NLGN1: variants seen among roughly 807,000 people sequenced by gnomAD.
NLGN1 encodes the protein neuroligin 1.
In NLGN1, 12 loss-of-function variants were observed where a neutral mutation model predicts 65.5. The observed-to-expected ratio is 0.18, with a 90% CI of 0.12 to 0.30. The LOEUF (loss-of-function observed/expected upper bound fraction) is 0.30. Among genes scored for constraint, NLGN1 ranks in the 10% least tolerant of loss-of-function variants. The pLI is 1.00. For synonymous variants in NLGN1, 350 were observed against 359.5 expected (o/e 0.97, Z 0.30); for missense variants, 750 against 1,007.1 (o/e 0.74, Z 3.46).
intron 2 of NLGN1, among the ~76,000 whole-genome samples, chr3:173,587,773 A>G (rs1747749475): frequency 6.6e-6 from 1 of 151,860 alleles, no homozygotes; most frequent in Non-Finnish European, 1.5e-5. Flanking sequence ...TAAGCTTATC[A>G]CTATGTAAAA....
intron 4 of NLGN1, among the ~76,000 whole-genome samples, chr3:174,092,360 T>A (rs2152565369): frequency 6.6e-6 from 1 of 152,244 alleles, no homozygotes; most frequent in Non-Finnish European, 1.5e-5. Flanking sequence ...GGTATAGGCA[T>A]AAGATTGGGA....
chr3:173,644,194 C>T (rs924585824), intron 3 of NLGN1: 2 of 152,494 alleles, frequency 1.3e-5, no homozygotes, highest in African/African-American at 4.8e-5. Context: ...GGACTGAGAT[C>T]CCAGGGCTAA....
At chr3:173,497,313 G>A (rs1035977260) in intron 2 of NLGN1, among the ~76,000 whole-genome samples, 4 of 151,496 alleles carry the variant, frequency 2.6e-5, no homozygotes, top group African/African-American at 4.9e-5. Flanking sequence ...GCTTGAATTC[G>A]GGAGGTGGAG....
chr3:173,578,039 A>G (rs1321489724), intron 2 of NLGN1, among the ~76,000 whole-genome samples: 1 of 152,080 alleles, frequency 6.6e-6, no homozygotes, highest in African/African-American at 2.4e-5. Context: ...GATCAATACC[A>G]TCCTGGCTAA....
chr3:173,485,857 C>A (rs1269283269), intron 2 of NLGN1, among the ~76,000 whole-genome samples: 1 of 151,988 alleles, frequency 6.6e-6, no homozygotes, highest in Non-Finnish European at 1.5e-5. Context: ...CTTTTCATAT[C>A]TTTCCTTATA....
intron 4 of NLGN1, among the ~76,000 whole-genome samples, chr3:174,241,300 A>G (rs904343505): frequency 3.9e-5 from 6 of 152,040 alleles, no homozygotes; most frequent in East Asian, 1.9e-4. Context: ...CCTGTTTTAT[A>G]TATTTTTTCT....
At chr3:174,004,288 G>A (rs1723913786) in intron 4 of NLGN1, among the ~76,000 whole-genome samples, 1 of 152,078 alleles carries the variant, frequency 6.6e-6, no homozygotes, top group African/African-American at 2.4e-5. Context: ...TTGCTAATAG[G>A]ATTCTCTACA....
chr3:174,259,791 G>A (rs1746502408), intron 4 of NLGN1, among the ~76,000 whole-genome samples: 2 of 150,062 alleles, frequency 1.3e-5, no homozygotes, highest in African/African-American at 4.9e-5. Flanking sequence ...CCACTAAATC[G>A]TCATCTAGCA....
At chr3:173,398,018 G>T (rs1716940327), upstream of NLGN1, 1 of 152,286 alleles carries the variant, frequency 6.6e-6, no homozygotes. Flanking sequence ...CCCTAGAGCT[G>T]TGCCCTGGGA....
At chr3:174,288,973 C>G (rs548982138), downstream of NLGN1, among the ~76,000 whole-genome samples, 1 of 151,352 alleles carries the variant, frequency 6.6e-6, no homozygotes, top group Non-Finnish European at 1.5e-5. Context: ...ATATTAAATA[C>G]TATTAAATTC....
At chr3:173,708,778 T>C (rs980848381) in intron 3 of NLGN1, among the ~76,000 whole-genome samples, 1 of 152,162 alleles carries the variant, frequency 6.6e-6, no homozygotes, top group Non-Finnish European at 1.5e-5. Context: ...ACATTAAGCA[T>C]TTGATGATAT....
chr3:173,422,026 C>G (rs994940804), intron 1 of NLGN1, among the ~76,000 whole-genome samples: 3 of 151,940 alleles, frequency 2.0e-5, no homozygotes, highest in African/African-American at 7.3e-5. Flanking sequence ...GGTTATCCAT[C>G]AAATGCAGAC....
chr3:173,646,591 A>G (rs2149614264), intron 3 of NLGN1, among the ~76,000 whole-genome samples: 1 of 152,372 alleles, frequency 6.6e-6, no homozygotes, highest in African/African-American at 2.4e-5. Flanking sequence ...GCAAGTATCA[A>G]AATATCTCAT....
At chr3:173,443,316 A>G (rs1320132475) in intron 2 of NLGN1, among the ~76,000 whole-genome samples, 6 of 51,946 alleles carry the variant, frequency 1.2e-4, no homozygotes, top group Admixed American at 2.9e-4. Flanking sequence ...TATTATATAT[A>G]TACTATATAT....
chr3:174,210,044 G>A (rs1331308346), intron 4 of NLGN1, among the ~76,000 whole-genome samples: 1 of 152,034 alleles, frequency 6.6e-6, no homozygotes, highest in Non-Finnish European at 1.5e-5. Context: ...TTATCTTACA[G>A]ATGTTTTGAT....
In NLGN1 at chr3:173,879,423, T is replaced by A. The variant is rs116639735; in HGVS notation, c.646+71591T>A. Among the ~76,000 whole-genome samples, 1,158 of 152,228 alleles carry A rather than the reference T, an allele frequency of 7.6e-3. 4 individuals are homozygous for A. Among genetic ancestry groups the A allele is most frequent in the Non-Finnish European group, 0.011 (722 of 68,020 alleles). On this transcript the variant is annotated intron_variant, in intron 4 of 6. Transcript: ENST00000457714. The stretch of plus-strand genomic sequence containing the variant: ...TGAAATTTTAATTCAGATATTGTAT[T>A]TTTCAGTTCTAAAAGATTCATTTTT...
At chr3:173,689,617 A>G (rs1012196788) in intron 3 of NLGN1, among the ~76,000 whole-genome samples, 1 of 152,160 alleles carries the variant, frequency 6.6e-6, no homozygotes, top group Non-Finnish European at 1.5e-5. Flanking sequence ...CCTCAAGATA[A>G]TGGCCTGGTT....
intron 3 of NLGN1, among the ~76,000 whole-genome samples, chr3:173,672,972 A>G (rs1314123456): frequency 6.6e-6 from 1 of 152,176 alleles, no homozygotes; most frequent in Admixed American, 6.5e-5. Context: ...GCTCTCTCAG[A>G]GTAAAGGGAT....
At position 173,789,154 on chromosome 3, in the gene NLGN1, G is replaced by A. The variant is rs570334754; in HGVS notation, c.494-18526G>A. On this transcript the variant is annotated intron_variant, in intron 3 of 6. Transcript: ENST00000457714. ...GCAGAGGTTGCAGTGAGCTGAGATC[G>A]CGCCACTGCACTCTAGCCTGGATGA... Among the ~76,000 whole-genome samples, 31 of 151,588 alleles carry A rather than the reference G, an allele frequency of 2.0e-4. 1 individual carries two copies. The highest frequency in any genetic ancestry group is 5.9e-4 in the East Asian group (3 of 5,124).
Sources: allele counts gnomAD v4.1 joint callset (sites outside exome capture counted in the v4.1 genomes callset), GRCh38; gene constraint gnomAD v4.1.1; transcripts MANE v1.5; gene names NCBI Gene and HGNC (gene_info 2026-07-23, HGNC 2026-07-21).